The following KAT2B variants were observed in gnomAD, a reference collection of about 807,000 sequenced individuals.
The protein encoded by KAT2B is lysine acetyltransferase 2B, also known as histone acetyltransferase KAT2B.
KAT2B carries 36 observed loss-of-function variants against 105.9 expected under a neutral mutation model. The observed-to-expected ratio is 0.34, with a 90% confidence interval of 0.26 to 0.45. KAT2B has a LOEUF of 0.45. KAT2B is among the 20% of genes least tolerant of loss of function. KAT2B has a pLI of 1.00. For missense variants in KAT2B, 820 were observed against 1,021.6 expected (o/e 0.80, Z 2.69); for synonymous variants, 397 against 377.9 (o/e 1.05, Z -0.59).
At chr3:20,135,668 A>G (rs1699587967) in intron 11 of KAT2B, among the ~76,000 whole-genome samples, 1 of 151,704 alleles carries the variant, frequency 6.6e-6, no homozygotes, top group African/African-American at 2.4e-5. Context: ...AAAAAAAAAT[A>G]AAAACCAAAG....
At chr3:20,139,167 A>C (rs1385456299) in intron 12 of KAT2B, among the ~76,000 whole-genome samples, 1 of 152,024 alleles carries the variant, frequency 6.6e-6, no homozygotes, top group East Asian at 1.9e-4. Flanking sequence ...CTCCTGCCTC[A>C]GTCTCCCAAA....
intron 1 of KAT2B, among the ~76,000 whole-genome samples, chr3:20,049,622 T>G (rs930055657): frequency 3.9e-5 from 6 of 152,220 alleles, no homozygotes; most frequent in African/African-American, 1.4e-4. Context: ...TTAGGCATTC[T>G]GCTGTCGTTT....
At chr3:20,051,380 C>T (rs546588854) in intron 1 of KAT2B, among the ~76,000 whole-genome samples, 107 of 152,152 alleles carry the variant, frequency 7.0e-4, no homozygotes, top group Non-Finnish European at 1.4e-3. Context: ...CCCTGGAGTC[C>T]GTATTGGTGA....
chr3:20,112,898 A>C (rs1699146070), intron 6 of KAT2B, among the ~76,000 whole-genome samples: 1 of 152,368 alleles, frequency 6.6e-6, no homozygotes, highest in Admixed American at 6.5e-5. Context: ...AACAACAAAA[A>C]TAAAATGGTT....
intron 2 of KAT2B, among the ~76,000 whole-genome samples, chr3:20,093,239 A>G (rs1251117118): frequency 6.6e-6 from 1 of 152,220 alleles, no homozygotes; most frequent in African/African-American, 2.4e-5. Flanking sequence ...GCCAATAAAG[A>G]GTGAATTACT....
At chr3:20,140,472 C>A in intron 13 of KAT2B, 108 bp downstream of exon 13, 1 of 1,105,328 alleles carries the variant, frequency 9.0e-7, no homozygotes, top group Non-Finnish European at 1.3e-6. Context: ...AGCAAACTCT[C>A]GGTTTGCTGT....
In KAT2B at chr3:20,083,560, C is replaced by G. The variant is rs368758501; in HGVS notation, c.430+11101C>G. 1.6e-3 allele frequency among the ~76,000 whole-genome samples: 247 copies of G among 152,174 alleles called. 1 individual carries two copies. The highest frequency in any genetic ancestry group is 4.7e-3 in the African/African-American group (194 of 41,500). On this transcript the variant is annotated intron_variant, in intron 2 of 17. Transcript: ENST00000263754. ...ACAAGTCTAATTCTGGTCAGCATCC[C>G]CAAAGAGCCAGGAGTAGTCTCTGGA... is the stretch of plus-strand genomic sequence containing the variant.
chr3:20,066,957 T>C (rs1345818068), intron 1 of KAT2B, among the ~76,000 whole-genome samples: 1 of 152,198 alleles, frequency 6.6e-6, no homozygotes, highest in African/African-American at 2.4e-5. Context: ...TGCCAATTTT[T>C]AAAGACTCCG....
chr3:20,149,939 G>A (rs945330579), intron 17 of KAT2B, among the ~76,000 whole-genome samples: 3 of 152,244 alleles, frequency 2.0e-5, no homozygotes, highest in Non-Finnish European at 4.4e-5. Flanking sequence ...GGGAAGCTGT[G>A]TGACTTTGGG....
chr3:20,066,825 AT>A (rs1266150617), intron 1 of KAT2B, among the ~76,000 whole-genome samples: 1 of 151,760 alleles, frequency 6.6e-6, no homozygotes, highest in Non-Finnish European at 1.5e-5. Context: ...ATTTCAAAAT[AT>A]TATTATAATA....
intron 1 of KAT2B, among the ~76,000 whole-genome samples, chr3:20,064,387 A>G (rs1575112430): frequency 6.6e-6 from 1 of 152,334 alleles, no homozygotes; most frequent in Non-Finnish European, 1.5e-5. Context: ...ATTTTGTAAT[A>G]TGCAATATAT....
chr3:20,147,938 A>T, intron 14 of KAT2B, 25 bp from the exon 15 acceptor site: 2 of 1,610,158 alleles, frequency 1.2e-6, no homozygotes, highest in Non-Finnish European at 1.7e-6. Context: ...CTTCTCATTC[A>T]GTGTTTCACT....
intron 17 of KAT2B, among the ~76,000 whole-genome samples, chr3:20,151,080 A>G (rs1699861261): frequency 6.6e-6 from 1 of 152,194 alleles, no homozygotes; most frequent in African/African-American, 2.4e-5. Context: ...TGGGACATTT[A>G]GTGTGAGATT....
chr3:20,134,076 TA>T (rs1359518673), intron 11 of KAT2B, among the ~76,000 whole-genome samples: 1 of 152,190 alleles, frequency 6.6e-6, no homozygotes, highest in African/African-American at 2.4e-5. Context: ...TTTGATTACT[TA>T]TGGTGCCTTG....
chr3:20,040,578 C>T lies in KAT2B; in HGVS notation c.101C>T (p.Pro34Leu). 1 of 1,153,714 alleles carries T rather than the reference C, an allele frequency of 8.7e-7. No individual in the cohort carries two copies. Among genetic ancestry groups the T allele is most frequent in the Non-Finnish European group, 1.1e-6 (1 of 938,160 alleles). The allele number at this position is 1,153,714 out of a possible 1,614,324, so 71.5% of individuals were successfully genotyped here. The part of the protein sequence containing the change: ...ALPPQPAALP[P>L]APPQGSPCAA... ...CCCCCGCAGCCTGCGGCGCTTCCGC[C>T]CGCGCCCCCGCAGGGCTCCCCCTGC... The change falls in exon 1 of 18, where the codon CCC becomes CTC. Residue 34 changes from proline (P) to leucine (L), a missense_variant. By Grantham distance (98) the Pro-to-Leu change is moderately conservative. Coordinates refer to ENST00000263754, the MANE Select transcript of KAT2B (RefSeq NM_003884.5).
At chr3:20,096,338 TCTC>T (rs1426276665) in intron 3 of KAT2B, among the ~76,000 whole-genome samples, 2 of 151,910 alleles carry the variant, frequency 1.3e-5, no homozygotes, top group African/African-American at 2.4e-5. Flanking sequence ...TAGACATACA[TCTC>T]CTCAAGCTTC....
At chr3:20,083,098 C>G (rs138261319) in intron 2 of KAT2B, among the ~76,000 whole-genome samples, 1 of 152,224 alleles carries the variant, frequency 6.6e-6, no homozygotes, top group South Asian at 2.1e-4. Context: ...ACTACTGATA[C>G]AGTGTACATT....
chr3:20,084,923 T>G (rs1698586862), intron 2 of KAT2B, among the ~76,000 whole-genome samples: 2 of 152,248 alleles, frequency 1.3e-5, no homozygotes, highest in Admixed American at 6.5e-5. Flanking sequence ...AATCATGGCA[T>G]GTACTTCCAT....
chr3:20,062,356 T>TAAA (rs1234121715), intron 1 of KAT2B, among the ~76,000 whole-genome samples: 1 of 100,358 alleles, frequency 1.0e-5, no homozygotes, highest in Non-Finnish European at 1.8e-5. Context: ...TATAATATAT[T>TAAA]TTATATATAA....
Sources: allele counts gnomAD v4.1 joint callset (sites outside exome capture counted in the v4.1 genomes callset), GRCh38; gene constraint gnomAD v4.1.1; transcripts MANE v1.5; gene names NCBI Gene and HGNC (gene_info 2026-07-23, HGNC 2026-07-21).